Variants in MRPS33 observed in about 807,000 individuals in gnomAD.
MRPS33 encodes the protein small ribosomal subunit protein mS33.
Under a neutral mutation model 11.2 loss-of-function variants are expected in MRPS33, and 11 were observed. The ratio of observed to expected loss-of-function variants is 0.99; its 90% confidence interval spans 0.62 to 1.63. The LOEUF is 1.63. Ranked by LOEUF, MRPS33 falls within the 40% of genes most tolerant of loss-of-function variation. The pLI, the probability that MRPS33 is intolerant of heterozygous loss-of-function variation, is 0.00. For missense variants in MRPS33, 109 were observed against 127.8 expected (o/e 0.85, Z 0.71); for synonymous variants, 46 against 44.0 (o/e 1.05, Z -0.18).
rs1279612934 is a variant in MRPS33, at chr7:141,004,304, A to G, written c.*2126T>C. Reference sequence around the variant, plus strand: ...GAGTGAGACTCCGTCTCAAACAAAAAAAAAGGTCTAAATGAATGAATTCTC... The same window carrying G: ...GAGTGAGACTCCGTCTCAAACAAAAGAAAAGGTCTAAATGAATGAATTCTC... On this transcript the variant is annotated 3_prime_UTR_variant, in exon 3 of 3. Coordinates refer to ENST00000324787, the MANE Select transcript of MRPS33 (RefSeq NM_053035.3). The G allele has an allele frequency of 1.3e-5, 2 of 152,234 alleles. No individual in the cohort carries two copies. The highest frequency in any genetic ancestry group is 4.8e-5 in the African/African-American group (2 of 41,454). 9.4% of individuals were successfully genotyped at this position (152,234 alleles called of 1,614,324 possible).
intron 2 of MRPS33, 57 bp from the exon 3 acceptor site, chr7:141,006,592 C>G: frequency 7.1e-7 from 1 of 1,414,336 alleles, no homozygotes; most frequent in South Asian, 1.2e-5. Context: ...GAAAAGTACA[C>G]TAATCTAGCA....
intron 2 of MRPS33, 107 bp from the exon 3 acceptor site, chr7:141,006,642 A>G (rs1820538080): frequency 2.1e-6 from 2 of 950,190 alleles, no homozygotes; most frequent in Non-Finnish European, 1.6e-6. Context: ...TCGATCTTTG[A>G]CTTTTACAAG....
chr7:141,010,243 TG>T, intron 2 of MRPS33, 175 bp downstream of exon 2: 10 of 595,460 alleles, frequency 1.7e-5, no homozygotes, highest in Middle Eastern at 8.6e-4. Flanking sequence ...TTTTTTTTTT[TG>T]GTCTCTCCAT....
intron 2 of MRPS33, among the ~76,000 whole-genome samples, chr7:141,007,522 A>G (rs185495508): frequency 3.2e-4 from 49 of 152,326 alleles, no homozygotes; most frequent in African/African-American, 1.2e-3. Flanking sequence ...TCCTGTTCAT[A>G]GCCCTGCAAA....
At position 141,006,142 on chromosome 7, in the gene MRPS33, T is replaced by G; in HGVS notation, c.*288A>C. 1 of 387,578 alleles carries G rather than the reference T, an allele frequency of 2.6e-6. No homozygotes were observed. The highest frequency in any genetic ancestry group is 4.7e-6 in the Non-Finnish European group (1 of 211,862). 24.0% of individuals were successfully genotyped at this position (387,578 alleles called of 1,614,324 possible). The stretch of plus-strand genomic sequence containing the variant: ...TCCCCTCCATTCCCCCAGCATCCCA[T>G]CCCACCCCAAACAAATCATCAAACA... On this transcript the variant is annotated 3_prime_UTR_variant, in exon 3 of 3. Transcript: ENST00000324787.
chr7:141,012,061 T>C (rs968311385), intron 1 of MRPS33, among the ~76,000 whole-genome samples: 2 of 150,420 alleles, frequency 1.3e-5, no homozygotes, highest in African/African-American at 4.9e-5. Context: ...TTCCAGCTAC[T>C]CGTGGAGGCT....
Position 141,006,330 on chromosome 7 carries a change from A to C in MRPS33, c.*100T>G. 9.8e-7 allele frequency: 1 copy of C among 1,017,718 alleles called. No individual in the cohort carries two copies. The highest frequency in any genetic ancestry group is 1.5e-6 in the Non-Finnish European group (1 of 674,220). 63.0% of individuals were successfully genotyped at this position (1,017,718 alleles called of 1,614,324 possible). ...GACTGTGTTCCTCCAAATAAACTTC[A>C]TTTAGGAAGATGACATTCCTCCAAT... On this transcript the variant is annotated 3_prime_UTR_variant, in exon 3 of 3. Coordinates refer to ENST00000324787, the MANE Select transcript of MRPS33 (RefSeq NM_053035.3).
In MRPS33 at chr7:141,002,687, T is replaced by C. The variant is rs1345428758; in HGVS notation, c.*3743A>G. 4.7e-6 allele frequency: 1 copy of C among 210,542 alleles called. No individual in the cohort carries two copies. Among genetic ancestry groups the C allele is most frequent in the Non-Finnish European group, 9.7e-6 (1 of 103,056 alleles). 13.0% of individuals were successfully genotyped at this position (210,542 alleles called of 1,614,324 possible). A position where few individuals can be genotyped will look rare whatever the true frequency, so the allele number is the denominator to read the frequency against. ...CATTATGGTTATATATGTTTAAATA[T>C]ATGATGCCTTATGTTTATTTTGAAA... is the stretch of plus-strand genomic sequence containing the variant. On this transcript the variant is annotated 3_prime_UTR_variant, in exon 3 of 3. Transcript: ENST00000324787.
At position 141,004,505 on chromosome 7, in the gene MRPS33, G is replaced by A. The variant is rs918275762; in HGVS notation, c.*1925C>T. On this transcript the variant is annotated 3_prime_UTR_variant, in exon 3 of 3. Coordinates refer to ENST00000324787, the MANE Select transcript of MRPS33 (RefSeq NM_053035.3). ...CTTTCTACTTCAGGAATCATTGAGT[G>A]TTACAGAGAAAGAAAACTGTGGCTG... 6.6e-6 allele frequency: 1 copy of A among 152,168 alleles called. No homozygotes were observed. Among genetic ancestry groups the A allele is most frequent in the African/African-American group, 2.4e-5 (1 of 41,434 alleles). 9.4% of individuals were successfully genotyped at this position (152,168 alleles called of 1,614,324 possible).
At chr7:141,008,208 A>G (rs1820582498) in intron 2 of MRPS33, among the ~76,000 whole-genome samples, 3 of 152,140 alleles carry the variant, frequency 2.0e-5, no homozygotes, top group African/African-American at 7.2e-5. Context: ...TTGTTTTTCT[A>G]TGGATAACTA....
intron 1 of MRPS33, among the ~76,000 whole-genome samples, chr7:141,011,808 A>G (rs934689191): frequency 2.0e-5 from 3 of 152,114 alleles, no homozygotes; most frequent in Non-Finnish European, 2.9e-5. Flanking sequence ...GTAAGAAAAC[A>G]AACCGTGTTT....
At chr7:141,010,899 C>G (rs1820660673) in intron 1 of MRPS33, among the ~76,000 whole-genome samples, 1 of 152,172 alleles carries the variant, frequency 6.6e-6, no homozygotes, top group African/African-American at 2.4e-5. Flanking sequence ...GTATTGCCTC[C>G]TTTGCAACCA....
chr7:141,003,746 C>T lies in MRPS33; in HGVS notation c.*2684G>A, dbSNP rs1820459225. On this transcript the variant is annotated 3_prime_UTR_variant, in exon 3 of 3. Coordinates refer to ENST00000324787, the MANE Select transcript of MRPS33 (RefSeq NM_053035.3). The stretch of plus-strand genomic sequence containing the variant: ...AAAGCTGGAGATCACATAATTCAAA[C>T]ATCTGCTGAGCTACATTGGGTTCAG... 1 of 152,270 alleles carries T rather than the reference C, an allele frequency of 6.6e-6. No individual in the cohort carries two copies. Among genetic ancestry groups the T allele is most frequent in the Non-Finnish European group, 1.5e-5 (1 of 68,052 alleles). 9.4% of individuals were successfully genotyped at this position (152,270 alleles called of 1,614,324 possible).
At position 141,002,974 on chromosome 7, in the gene MRPS33, ATATCT is replaced by A. The variant is rs1381365927; in HGVS notation, c.*3451_*3455del. The A allele has an allele frequency of 6.6e-6, 1 of 152,312 alleles. No homozygotes were observed. The highest frequency in any genetic ancestry group is 1.5e-5 in the Non-Finnish European group (1 of 68,118). 9.4% of individuals were successfully genotyped at this position (152,312 alleles called of 1,614,324 possible). On this transcript the variant is annotated 3_prime_UTR_variant, in exon 3 of 3. Coordinates refer to ENST00000324787, the MANE Select transcript of MRPS33 (RefSeq NM_053035.3). Reference sequence around the variant, plus strand: ...ATAATTTACAGAGTTCTTTTCACAAATATCTTATTTCATTAATCCAGTGAAGCATT... The same window carrying A: ...ATAATTTACAGAGTTCTTTTCACAAATATTTCATTAATCCAGTGAAGCATT...
intron 2 of MRPS33, among the ~76,000 whole-genome samples, chr7:141,008,694 A>G (rs1167527458): frequency 6.6e-6 from 1 of 152,224 alleles, no homozygotes; most frequent in Admixed American, 6.5e-5. Flanking sequence ...TCCAATTACA[A>G]CTTGTTAAAT....
In MRPS33 at chr7:141,011,928, G is replaced by A. The variant is rs144984567; in HGVS notation, c.-27-1268C>T. Reference sequence around the variant, plus strand: ...TTTGAGAGGCTGAGGTGGGAGGATCGCTTGAGGTCAGGACTTCAAGACCAG... The same window carrying A: ...TTTGAGAGGCTGAGGTGGGAGGATCACTTGAGGTCAGGACTTCAAGACCAG... On this transcript the variant is annotated intron_variant, in intron 1 of 2. Transcript: ENST00000324787. Among the ~76,000 whole-genome samples the A allele has an allele frequency of 3.4e-3, 511 of 151,790 alleles. 5 individuals carry two copies. Among genetic ancestry groups the A allele is most frequent in the African/African-American group, 0.011 (462 of 41,408 alleles).
intron 2 of MRPS33, 53 bp downstream of exon 2, chr7:141,010,366 C>T (rs1252667309): frequency 2.6e-6 from 4 of 1,559,804 alleles, no homozygotes; most frequent in Admixed American, 3.7e-5. Flanking sequence ...TTTTCCTTTT[C>T]TGATCTACTG....
chr7:141,011,864 G>A (rs1820680549), intron 1 of MRPS33, among the ~76,000 whole-genome samples: 1 of 151,970 alleles, frequency 6.6e-6, no homozygotes, highest in African/African-American at 2.4e-5. Flanking sequence ...ATTAACAGAG[G>A]AGGCTGGGCA....
At chr7:141,012,173 C>CAATAAAAAA (rs1820690972) in intron 1 of MRPS33, among the ~76,000 whole-genome samples, 1 of 58,782 alleles carries the variant, frequency 1.7e-5, no homozygotes, top group Non-Finnish European at 2.8e-5. Context: ...GATTGTGTGT[C>CAATAAAAAA]AAAAAAAAAA....
Sources: allele counts gnomAD v4.1 joint callset (sites outside exome capture counted in the v4.1 genomes callset), GRCh38; gene constraint gnomAD v4.1.1; transcripts MANE v1.5; gene names NCBI Gene and HGNC (gene_info 2026-07-23, HGNC 2026-07-21).